WWOX: variants seen among roughly 807,000 people sequenced by gnomAD.
WWOX encodes WW domain containing oxidoreductase.
In WWOX, 69 loss-of-function variants were observed where a neutral mutation model predicts 46.2. That is an observed-to-expected ratio of 1.49 (90% confidence interval 1.23 to 1.82). WWOX has a LOEUF of 1.82. WWOX is among the 40% of genes most tolerant of loss of function. The pLI is 0.00. For missense variants in WWOX, 919 were observed against 542.6 expected, an observed-to-expected ratio of 1.69 and a Z score of -6.89; for synonymous variants, 359 against 202.6, an observed-to-expected ratio of 1.77 and a Z score of -6.56.
At chr16:78,704,038 C>G (rs2048281157) in intron 8 of WWOX, among the ~76,000 whole-genome samples, 2 of 152,120 alleles carry the variant, frequency 1.3e-5, no homozygotes, top group Non-Finnish European at 2.9e-5. Context: ...CTATCCATCT[C>G]CAAGTGAACT....
At chr16:79,044,213 G>A (rs138495993) in intron 8 of WWOX, among the ~76,000 whole-genome samples, 1 of 152,320 alleles carries the variant, frequency 6.6e-6, no homozygotes, top group African/African-American at 2.4e-5. Flanking sequence ...TTCAACAAAC[G>A]CTCTTCAGGG....
intron 8 of WWOX, among the ~76,000 whole-genome samples, chr16:78,755,831 C>G (rs1029838356): frequency 3.9e-5 from 6 of 152,194 alleles, no homozygotes; most frequent in African/African-American, 1.4e-4. Flanking sequence ...TTTGGGTCTA[C>G]AAGTAACCAC....
At chr16:78,322,693 C>T (rs771154308) in intron 5 of WWOX, among the ~76,000 whole-genome samples, 14 of 152,330 alleles carry the variant, frequency 9.2e-5, no homozygotes, top group Non-Finnish European at 1.8e-4. Flanking sequence ...AACAAAGTTA[C>T]TCTGTGGAGC....
chr16:78,260,209 G>T (rs1040205131), intron 5 of WWOX, among the ~76,000 whole-genome samples: 3 of 151,492 alleles, frequency 2.0e-5, no homozygotes, highest in Non-Finnish European at 4.4e-5. Context: ...ACAGGGTCTG[G>T]AGTAGACCCC....
At chr16:78,426,750 G>T (rs2083088374) in intron 7 of WWOX, among the ~76,000 whole-genome samples, 1 of 152,046 alleles carries the variant, frequency 6.6e-6, no homozygotes, top group Admixed American at 6.6e-5. Context: ...CACAACTTCA[G>T]ACTCCCAGGG....
rs576093763 is a variant in WWOX, at chr16:78,143,333, G to A, written c.410-20850G>A. Among the ~76,000 whole-genome samples the A allele has an allele frequency of 2.0e-5, 3 of 152,236 alleles. No homozygotes were observed. The South Asian group carries it at 6.2e-4, about 32-fold the overall frequency. ...CTTGCAGTGAAAATCTACAGATCAAGGTCATCTTCACGTCTTTAGTTCTTG... is the reference window on the plus strand; with the variant it reads ...CTTGCAGTGAAAATCTACAGATCAAAGTCATCTTCACGTCTTTAGTTCTTG... On this transcript the variant is annotated intron_variant, in intron 4 of 8. Coordinates refer to ENST00000566780, the MANE Select transcript of WWOX (RefSeq NM_016373.4).
At chr16:78,144,462 T>TAC (rs1211442706) in intron 4 of WWOX, among the ~76,000 whole-genome samples, 853 of 23,600 alleles carry the variant, frequency 0.036, 191 homozygotes, top group African/African-American at 0.13. Flanking sequence ...TATATATATA[T>TAC]ACACACATAT....
chr16:78,962,088 G>C (rs1477841454), intron 8 of WWOX, among the ~76,000 whole-genome samples: 1 of 152,014 alleles, frequency 6.6e-6, no homozygotes, highest in Non-Finnish European at 1.5e-5. Context: ...AGGAGCTTTG[G>C]AAAGGGACAG....
At chr16:79,027,564 C>A (rs1172683188) in intron 8 of WWOX, among the ~76,000 whole-genome samples, 2 of 151,776 alleles carry the variant, frequency 1.3e-5, no homozygotes, top group African/African-American at 4.9e-5. Context: ...ATTATAACAT[C>A]AGCCTGTCAT....
intron 8 of WWOX, among the ~76,000 whole-genome samples, chr16:78,634,811 G>GTA (rs780940414): frequency 7.8e-6 from 1 of 127,890 alleles, no homozygotes; most frequent in Non-Finnish European, 1.6e-5. Flanking sequence ...GCACCCGACT[G>GTA]GAGAGAGAGA....
intron 8 of WWOX, among the ~76,000 whole-genome samples, chr16:78,874,450 C>T (rs2044192586): frequency 6.6e-6 from 1 of 151,986 alleles, no homozygotes; most frequent in South Asian, 2.1e-4. Flanking sequence ...CTGCTACCTC[C>T]AACTGGGTCG....
At chr16:78,924,712 A>C (rs928608742) in intron 8 of WWOX, among the ~76,000 whole-genome samples, 4 of 152,206 alleles carry the variant, frequency 2.6e-5, no homozygotes, top group African/African-American at 9.6e-5. Flanking sequence ...TAATACCTTG[A>C]ATAAGTTTAT....
At chr16:79,192,813 T>A (rs918463505) in intron 8 of WWOX, among the ~76,000 whole-genome samples, 6 of 152,222 alleles carry the variant, frequency 3.9e-5, no homozygotes, top group Admixed American at 2.6e-4. Context: ...ATCGCAACTC[T>A]GTCATTCACC....
At chr16:78,385,936 T>C (rs2151933352) in intron 5 of WWOX, among the ~76,000 whole-genome samples, 1 of 152,278 alleles carries the variant, frequency 6.6e-6, no homozygotes, top group Admixed American at 6.5e-5. Context: ...GAGTGGCCCA[T>C]ACACAGAAGG....
At chr16:78,775,426 T>C (rs1026669701) in intron 8 of WWOX, among the ~76,000 whole-genome samples, 1 of 152,204 alleles carries the variant, frequency 6.6e-6, no homozygotes, top group South Asian at 2.1e-4. Flanking sequence ...GATGTTCTTT[T>C]GTGGCTTGTC....
At chr16:78,797,878 C>T (rs954856955) in intron 8 of WWOX, among the ~76,000 whole-genome samples, 13 of 152,168 alleles carry the variant, frequency 8.5e-5, no homozygotes, top group African/African-American at 3.1e-4. Flanking sequence ...GTCCTAGCTA[C>T]TCAAGAGGCT....
chr16:78,757,979 A>T (rs2049697840), intron 8 of WWOX, among the ~76,000 whole-genome samples: 1 of 151,998 alleles, frequency 6.6e-6, no homozygotes, highest in Non-Finnish European at 1.5e-5. Context: ...CACAACACTG[A>T]CCTTCTATCA....
intron 8 of WWOX, among the ~76,000 whole-genome samples, chr16:79,104,980 C>T (rs561466276): frequency 6.6e-6 from 1 of 152,256 alleles, no homozygotes; most frequent in East Asian, 1.9e-4. Context: ...GTCCGCCACC[C>T]CAATTTCCTC....
At chr16:79,072,009 A>G (rs560934910) in intron 8 of WWOX, among the ~76,000 whole-genome samples, 5 of 152,158 alleles carry the variant, frequency 3.3e-5, no homozygotes, top group Non-Finnish European at 5.9e-5. Context: ...TACGCCGGCC[A>G]TGGTGGCTCA....
Sources: allele counts gnomAD v4.1 joint callset (sites outside exome capture counted in the v4.1 genomes callset), GRCh38; gene constraint gnomAD v4.1.1; transcripts MANE v1.5; gene names NCBI Gene and HGNC (gene_info 2026-07-23, HGNC 2026-07-21).